CPPED1: variants seen among roughly 807,000 people sequenced by gnomAD.
The protein encoded by CPPED1 is serine/threonine-protein phosphatase CPPED1.
In CPPED1, 28 loss-of-function variants were observed where a neutral mutation model predicts 28.0. The observed-to-expected ratio is 1.00, with a 90% CI of 0.74 to 1.37. The LOEUF is 1.37. CPPED1 is among the 40% of genes most tolerant of loss of function. The probability of loss-of-function intolerance (pLI) is 0.00; values close to 1 mark genes in which losing one functional copy is unlikely to be tolerated. For synonymous variants in CPPED1, 198 were observed against 180.2 expected, an observed-to-expected ratio of 1.10 and a Z score of -0.79; for missense variants, 504 against 416.5, an observed-to-expected ratio of 1.21 and a Z score of -1.83.
At chr16:12,706,472 CTTCCT>C (rs1183250680) in intron 2 of CPPED1, among the ~76,000 whole-genome samples, 8 of 149,692 alleles carry the variant, frequency 5.3e-5, no homozygotes, top group African/African-American at 2.0e-4. Flanking sequence ...TCCTTCCTTC[CTTCCT>C]TTCCTTTCTC....
intron 2 of CPPED1, among the ~76,000 whole-genome samples, chr16:12,746,135 G>C (rs1010505364): frequency 1.3e-5 from 2 of 152,168 alleles, no homozygotes; most frequent in African/African-American, 4.8e-5. Flanking sequence ...AACACTTTGG[G>C]AGACTGAGGT....
At chr16:12,780,926 T>A in intron 2 of CPPED1, 1 of 488,696 alleles carries the variant, frequency 2.0e-6, no homozygotes, top group Non-Finnish European at 3.7e-6. Flanking sequence ...TGTGTGGGAA[T>A]CTGTTCCATT....
chr16:12,799,526 G>A (rs748443050), intron 1 of CPPED1, among the ~76,000 whole-genome samples: 2 of 152,170 alleles, frequency 1.3e-5, no homozygotes, highest in African/African-American at 4.8e-5. Flanking sequence ...AATTACAGGC[G>A]TAAGCCACTG....
chr16:12,684,149 C>T (rs1216044221), intron 3 of CPPED1, among the ~76,000 whole-genome samples: 2 of 152,216 alleles, frequency 1.3e-5, no homozygotes, highest in Non-Finnish European at 2.9e-5. Flanking sequence ...GTGCCCTGAA[C>T]AAAACCTGCT....
intron 2 of CPPED1, among the ~76,000 whole-genome samples, chr16:12,718,748 A>T (rs1204409751): frequency 2.6e-5 from 4 of 151,596 alleles, no homozygotes; most frequent in Non-Finnish European, 4.4e-5. Context: ...AGATCACTTG[A>T]GGTCAGGAGT....
At chr16:12,701,190 C>T (rs2080018653) in intron 3 of CPPED1, among the ~76,000 whole-genome samples, 1 of 151,886 alleles carries the variant, frequency 6.6e-6, no homozygotes, top group Non-Finnish European at 1.5e-5. Flanking sequence ...GATCACATCA[C>T]TGCACTCCAG....
chr16:12,755,508 C>T (rs28584880), intron 2 of CPPED1, among the ~76,000 whole-genome samples: 13,634 of 151,874 alleles, frequency 0.09, 1,891 homozygotes, highest in African/African-American at 0.3. Flanking sequence ...TGTATGAACT[C>T]CTGGCCTCAA....
At chr16:12,772,404 C>G (rs564366758) in intron 2 of CPPED1, among the ~76,000 whole-genome samples, 4 of 152,340 alleles carry the variant, frequency 2.6e-5, no homozygotes, top group Non-Finnish European at 5.9e-5. Context: ...CCTCTCCTCT[C>G]CAGACTTTTG....
At chr16:12,780,380 T>C (rs2080522835) in intron 2 of CPPED1, among the ~76,000 whole-genome samples, 1 of 152,136 alleles carries the variant, frequency 6.6e-6, no homozygotes, top group South Asian at 2.1e-4. Context: ...TTCACCATGA[T>C]GACCAGGCTA....
At chr16:12,774,029 T>A (rs1039383267) in intron 2 of CPPED1, among the ~76,000 whole-genome samples, 6 of 152,206 alleles carry the variant, frequency 3.9e-5, no homozygotes, top group African/African-American at 1.4e-4. Flanking sequence ...GCTTCCAGTC[T>A]CCACCCACAA....
chr16:12,782,549 T>G (rs1362995921), intron 1 of CPPED1, among the ~76,000 whole-genome samples: 1 of 150,024 alleles, frequency 6.7e-6, no homozygotes, highest in Admixed American at 6.7e-5. Flanking sequence ...TGAGGCTGTT[T>G]TTTTTTTTTT....
intron 2 of CPPED1, among the ~76,000 whole-genome samples, chr16:12,727,213 T>C (rs1478187445): frequency 2.0e-5 from 3 of 152,150 alleles, no homozygotes; most frequent in Admixed American, 6.5e-5. Context: ...AGTTTAATTA[T>C]CCAGATAGGC....
At chr16:12,727,937 C>A (rs146123482) in intron 2 of CPPED1, among the ~76,000 whole-genome samples, 53 of 152,312 alleles carry the variant, frequency 3.5e-4, no homozygotes, top group African/African-American at 1.3e-3. Context: ...TGGAATGCAA[C>A]TATGTTTTGT....
At chr16:12,771,989 G>GGC (rs2141233214) in intron 2 of CPPED1, among the ~76,000 whole-genome samples, 1 of 152,238 alleles carries the variant, frequency 6.6e-6, no homozygotes, top group Admixed American at 6.5e-5. Context: ...TGGGCTTGGT[G>GGC]GTGCATGCCT....
chr16:12,691,468 T>C (rs914226264), intron 3 of CPPED1, among the ~76,000 whole-genome samples: 3 of 152,126 alleles, frequency 2.0e-5, no homozygotes, highest in Non-Finnish European at 2.9e-5. Flanking sequence ...ACTGGGTATA[T>C]ACCCAAAGGA....
chr16:12,715,515 G>C (rs138362921), intron 2 of CPPED1, among the ~76,000 whole-genome samples: 5,136 of 151,998 alleles, frequency 0.034, 128 homozygotes, highest in East Asian at 0.1. Context: ...CAAAAATTAG[G>C]CAGGCATGGT....
At chr16:12,738,620 T>C (rs948416710) in intron 2 of CPPED1, among the ~76,000 whole-genome samples, 1 of 151,942 alleles carries the variant, frequency 6.6e-6, no homozygotes, top group African/African-American at 2.4e-5. Context: ...AAAAGCAAAA[T>C]CTCCTAGCAA....
intron 2 of CPPED1, among the ~76,000 whole-genome samples, chr16:12,728,191 T>C (rs756927214): frequency 6.6e-5 from 10 of 152,160 alleles, no homozygotes; most frequent in African/African-American, 9.7e-5. Context: ...CTGCTATTTA[T>C]ACCCACAGGT....
intron 2 of CPPED1, among the ~76,000 whole-genome samples, chr16:12,740,541 T>C (rs748520528): frequency 2.0e-5 from 3 of 152,058 alleles, no homozygotes; most frequent in African/African-American, 7.2e-5. Flanking sequence ...CTTGCACTCA[T>C]GGAGTTTACC....
Sources: gnomAD v4.1 joint callset for allele counts (sites outside exome capture counted in the v4.1 genomes callset) on GRCh38, gnomAD v4.1.1 for gene constraint, MANE v1.5 for transcripts, NCBI Gene and HGNC (gene_info 2026-07-23, HGNC 2026-07-21) for gene names.